TACC1: variants seen among roughly 807,000 people sequenced by gnomAD.
TACC1 encodes the protein transforming acidic coiled-coil-containing protein 1.
TACC1 carries 48 observed loss-of-function variants against 84.4 expected under a neutral mutation model. The observed-to-expected ratio is 0.57, with a 90% CI of 0.45 to 0.72. The LOEUF is 0.72. Ranked by LOEUF, TACC1 falls within the 30% of genes least tolerant of loss-of-function variation. The pLI is 0.00. For synonymous variants in TACC1, 372 were observed against 376.3 expected (o/e 0.99, Z 0.13); for missense variants, 920 against 973.0 (o/e 0.95, Z 0.72).
chr8:38,764,426 TA>T (rs71216685), intron 3 of TACC1, among the ~76,000 whole-genome samples: 16,396 of 100,944 alleles, frequency 0.16, 1,099 homozygotes, highest in Middle Eastern at 0.31. Flanking sequence ...ATCAATTTGG[TA>T]AAAAAAAAAA....
At chr8:38,755,159 C>CAAAAAA (rs35992046) in intron 3 of TACC1, among the ~76,000 whole-genome samples, 4 of 72,334 alleles carry the variant, frequency 5.5e-5, no homozygotes, top group Non-Finnish European at 8.0e-5. Flanking sequence ...GACTCCATCT[C>CAAAAAA]AAAAAAAAAA....
At chr8:38,758,756 CAT>C (rs1810642108) in intron 3 of TACC1, among the ~76,000 whole-genome samples, 1 of 149,708 alleles carries the variant, frequency 6.7e-6, no homozygotes. Flanking sequence ...AAATGCCCCA[CAT>C]GTTATTTAAC....
rs573926332 is a variant in TACC1 at position 38,788,343 on chromosome 8, G to T, written c.162-361G>T. The stretch of plus-strand genomic sequence containing the variant: ...TGCCTAGCATCGGCCTAACTCGGGG[G>T]TGGGACCAGTATTAATTGTTAAAGC... On this transcript the variant is annotated intron_variant, in intron 1 of 12. Transcript: ENST00000317827. The T allele has an allele frequency of 1.7e-4, 33 of 194,256 alleles. 1 individual carries two copies. The South Asian group carries it at 2.4e-3, about 14-fold the overall frequency. The allele number at this position is 194,256 out of a possible 1,614,324, so 12.0% of individuals were successfully genotyped here. A position where few individuals can be genotyped will look rare whatever the true frequency, so the allele number is the denominator to read the frequency against.
chr8:38,820,582 T>C lies in TACC1; in HGVS notation c.1338T>C (p.Asn446=). The C allele has an allele frequency of 6.2e-7, 1 of 1,613,426 alleles. No homozygotes were observed. Among genetic ancestry groups the C allele is most frequent in the Non-Finnish European group, 8.5e-7 (1 of 1,180,032 alleles). Residue 446 remains asparagine (N), a synonymous_variant, in exon 3 of 13, where the codon AAT becomes AAC. Coordinates refer to ENST00000317827, the MANE Select transcript of TACC1 (RefSeq NM_006283.3). ...TSSDFCSPTG[N]HVNEILESPK... is the part of the protein sequence containing the mutation. Reference sequence around the variant, plus strand: ...GTGACTTTTGTTCTCCCACTGGTAATCACGTTAATGAAATCTTAGAATCAC... The same window carrying C: ...GTGACTTTTGTTCTCCCACTGGTAACCACGTTAATGAAATCTTAGAATCAC...
rs756512201 is a variant in TACC1, at chr8:38,788,817, A to G, written c.275A>G (p.Gln92Arg). The change falls in exon 2 of 13, where the codon CAA (glutamine) becomes CGA (arginine). Residue 92 changes from glutamine (Q) to arginine (R), a missense_variant and splice_region_variant. Gln to Arg is a conservative substitution (Grantham distance 43). Transcript: ENST00000317827. ...LGLAGPGAKS[Q>R]ESQEADEQLV... ...TTGGCAGGACCTGGGGCCAAAAGCC[A>G]AGGTAAAGAAAAACTTGCATTTTTC... The G allele has an allele frequency of 8.5e-5, 136 of 1,595,068 alleles. No homozygotes were observed. Among genetic ancestry groups the G allele is most frequent in the Non-Finnish European group, 1.1e-4 (133 of 1,173,744 alleles).
At chr8:38,736,145 A>T (rs1805912469) in intron 1 of TACC1, among the ~76,000 whole-genome samples, 1 of 152,178 alleles carries the variant, frequency 6.6e-6, no homozygotes. Flanking sequence ...CACTGTGTGT[A>T]TGAAATCTTC....
chr8:38,785,726 A>C, upstream of TACC1: 1 of 985,408 alleles, frequency 1.0e-6, no homozygotes. Context: ...TAGAACCTGA[A>C]GTTTTACTGG....
chr8:38,752,517 A>G (rs2151750385), intron 3 of TACC1, among the ~76,000 whole-genome samples: 1 of 152,118 alleles, frequency 6.6e-6, no homozygotes, highest in South Asian at 2.1e-4. Context: ...CCCCAAAACC[A>G]AAAAACAACA....
chr8:38,837,432 A>T (rs56061308), intron 7 of TACC1, among the ~76,000 whole-genome samples: 28,959 of 151,890 alleles, frequency 0.19, 3,396 homozygotes, highest in Non-Finnish European at 0.27. Context: ...TCAGAAAAAT[A>T]AAAATAAAAT....
At chr8:38,768,634 GT>G (rs1812760943) in intron 3 of TACC1, among the ~76,000 whole-genome samples, 2 of 152,116 alleles carry the variant, frequency 1.3e-5, no homozygotes, top group African/African-American at 4.8e-5. Flanking sequence ...GCAAGAAGCT[GT>G]GTCTTAGGAC....
chr8:38,847,645 T>C (rs150007795), intron 12 of TACC1, among the ~76,000 whole-genome samples: 1 of 152,220 alleles, frequency 6.6e-6, no homozygotes, highest in South Asian at 2.1e-4. Flanking sequence ...CAGATACTTA[T>C]GTTTTTGACA....
chr8:38,787,985 C>T, intron 1 of TACC1: 1 of 507,452 alleles, frequency 2.0e-6, no homozygotes, highest in Non-Finnish European at 3.4e-6. Context: ...TGCAGTCTCT[C>T]CGCATCCCCG....
intron 3 of TACC1, among the ~76,000 whole-genome samples, chr8:38,751,432 T>G (rs1809020730): frequency 6.6e-6 from 1 of 152,214 alleles, no homozygotes; most frequent in Admixed American, 6.5e-5. Context: ...CTTGGGTATG[T>G]TTAACCTTAC....
chr8:38,772,556 G>A (rs567147638), intron 3 of TACC1, among the ~76,000 whole-genome samples: 2 of 152,150 alleles, frequency 1.3e-5, no homozygotes, highest in Non-Finnish European at 2.9e-5. Flanking sequence ...GGCACATGTG[G>A]GTTCTGCAGA....
At chr8:38,755,722 C>CAAT in intron 3 of TACC1, among the ~76,000 whole-genome samples, 1 of 123,624 alleles carries the variant, frequency 8.1e-6, no homozygotes, top group East Asian at 1.9e-4. Context: ...ACAACAACAA[C>CAAT]AACAACAACA....
rs560780509 is a variant in TACC1, at chr8:38,843,240, T to G, written c.2122-49T>G. 18 of 1,314,698 alleles carry G rather than the reference T, an allele frequency of 1.4e-5. No individual in the cohort carries two copies. In the South Asian group the frequency reaches 2.3e-4, roughly 17 times the overall value. The allele number at this position is 1,314,698 out of a possible 1,614,324, so 81.4% of individuals were successfully genotyped here. ...ATGAAAACTCTGATATGTGGTAGATTAGAAGAAACAAAATGACCTGTTTAT... is the reference window on the plus strand; with the variant it reads ...ATGAAAACTCTGATATGTGGTAGATGAGAAGAAACAAAATGACCTGTTTAT... On this transcript the variant is annotated intron_variant, in intron 10 of 12. Coordinates refer to ENST00000317827, the MANE Select transcript of TACC1 (RefSeq NM_006283.3).
intron 9 of TACC1, 46 bp downstream of exon 9, chr8:38,840,313 G>A: frequency 6.5e-7 from 1 of 1,547,640 alleles, no homozygotes; most frequent in Non-Finnish European, 8.9e-7. Context: ...CATAGGATCT[G>A]TCTTAGTCTG....
chr8:38,783,068 ATC>A (rs1197649119), upstream of TACC1, among the ~76,000 whole-genome samples: 1 of 69,064 alleles, frequency 1.4e-5, no homozygotes, highest in Admixed American at 1.6e-4. Context: ...TAGTGTAAAT[ATC>A]TATCTATCTA....
At chr8:38,787,786 T>A in intron 1 of TACC1, 43 bp downstream of exon 1, 1 of 1,460,738 alleles carries the variant, frequency 6.8e-7, no homozygotes, top group Non-Finnish European at 9.0e-7. Flanking sequence ...CGCGCTTGCC[T>A]CCATCCATCT....
Sources: gnomAD v4.1 joint callset for allele counts (sites outside exome capture counted in the v4.1 genomes callset) on GRCh38, gnomAD v4.1.1 for gene constraint, MANE v1.5 for transcripts, NCBI Gene and HGNC (gene_info 2026-07-23, HGNC 2026-07-21) for gene names.